The following LRP1B variants were observed in gnomAD, a reference collection of about 807,000 sequenced individuals.
LRP1B encodes low-density lipoprotein receptor-related protein 1B.
Under a neutral mutation model 556.6 loss-of-function variants are expected in LRP1B, and 217 were observed. The observed-to-expected ratio is 0.39, with a 90% CI of 0.35 to 0.44. The LOEUF (loss-of-function observed/expected upper bound fraction) is 0.44, where lower values mean the gene tolerates loss of function less well. Among genes scored for constraint, LRP1B ranks in the 20% least tolerant of loss-of-function variants. LRP1B has a pLI of 1.00. For missense variants in LRP1B, 5,053 were observed against 5,620.8 expected (o/e 0.90, Z 3.23); for synonymous variants, 2,047 against 1,865.8 (o/e 1.10, Z -2.50).
At chr2:141,863,315 G>A (rs968692931) in intron 1 of LRP1B, among the ~76,000 whole-genome samples, 3 of 152,124 alleles carry the variant, frequency 2.0e-5, no homozygotes, top group Non-Finnish European at 2.9e-5. Flanking sequence ...TGCCCTTAAA[G>A]AGTTTATATT....
At chr2:140,627,891 G>A (rs536847270) in intron 41 of LRP1B, among the ~76,000 whole-genome samples, 25 of 152,136 alleles carry the variant, frequency 1.6e-4, no homozygotes, top group African/African-American at 5.3e-4. Context: ...AGGATAGAAC[G>A]AAAAAAACTT....
intron 86 of LRP1B, among the ~76,000 whole-genome samples, chr2:140,252,080 A>AAAAAAAAAAAAAAAAAAAAAC (rs1681454529): frequency 7.2e-6 from 1 of 138,070 alleles, no homozygotes; most frequent in Non-Finnish European, 1.6e-5. Flanking sequence ...AAAAAAAAAA[A>AAAAAAAAAAAAAAAAAAAAAC]AAAAAAAAAC....
intron 7 of LRP1B, among the ~76,000 whole-genome samples, chr2:141,131,664 G>T (rs910200383): frequency 2.7e-5 from 4 of 147,838 alleles, no homozygotes; most frequent in Non-Finnish European, 6.0e-5. Context: ...CTGCTATTCT[G>T]GGAATCCATA....
chr2:140,954,833 T>G (rs1695825401), intron 18 of LRP1B, among the ~76,000 whole-genome samples: 1 of 152,048 alleles, frequency 6.6e-6, no homozygotes, highest in Non-Finnish European at 1.5e-5. Flanking sequence ...TGTCTCTTGT[T>G]GTTAACCTTA....
At chr2:141,147,470 G>A (rs984805721) in intron 7 of LRP1B, among the ~76,000 whole-genome samples, 15 of 152,038 alleles carry the variant, frequency 9.9e-5, no homozygotes, top group Admixed American at 8.5e-4. Context: ...ACAGTTTTAC[G>A]TATTAAAATT....
rs942881642 is a variant in LRP1B at position 140,285,101 on chromosome 2, C to CTA, written c.12968-10505_12968-10504dup. 8.7e-5 allele frequency among the ~76,000 whole-genome samples: 13 copies of CTA among 148,634 alleles called. No individual in the cohort carries two copies. In the South Asian group the frequency reaches 2.5e-3, roughly 29 times the overall value. On this transcript the variant is annotated intron_variant, in intron 84 of 90. Transcript: ENST00000389484. ...ATGGATAATCCCTATATCTCTCTCT[C>CTA]TATATATATATGTGTGTGTATATAT...
At chr2:141,768,416 CATTT>C (rs930092214) in intron 2 of LRP1B, among the ~76,000 whole-genome samples, 6 of 151,954 alleles carry the variant, frequency 3.9e-5, no homozygotes, top group African/African-American at 1.5e-4. Flanking sequence ...GTTTTTCATT[CATTT>C]ATTTTAAAAG....
chr2:141,788,114 C>T (rs1001571876), intron 2 of LRP1B, among the ~76,000 whole-genome samples: 1 of 152,030 alleles, frequency 6.6e-6, no homozygotes, highest in Non-Finnish European at 1.5e-5. Flanking sequence ...CAGTATAACA[C>T]ATCTGCCTCT....
chr2:141,770,090 A>G (rs2105613191), intron 2 of LRP1B, among the ~76,000 whole-genome samples: 1 of 152,072 alleles, frequency 6.6e-6, no homozygotes, highest in Non-Finnish European at 1.5e-5. Flanking sequence ...GATTCAATTG[A>G]TTTCTGATTG....
At chr2:140,836,053 G>T (rs1691892404) in intron 31 of LRP1B, among the ~76,000 whole-genome samples, 1 of 152,058 alleles carries the variant, frequency 6.6e-6, no homozygotes, top group South Asian at 2.1e-4. Flanking sequence ...TCATACTTTA[G>T]CAATGAAAAT....
At chr2:141,567,043 A>G (rs908329245) in intron 2 of LRP1B, among the ~76,000 whole-genome samples, 2 of 152,200 alleles carry the variant, frequency 1.3e-5, no homozygotes, top group Non-Finnish European at 2.9e-5. Flanking sequence ...ATGAAAAAAG[A>G]TTAGAAAATT....
intron 3 of LRP1B, among the ~76,000 whole-genome samples, chr2:141,298,691 A>G (rs1292693785): frequency 6.6e-6 from 1 of 152,092 alleles, no homozygotes; most frequent in African/African-American, 2.4e-5. Flanking sequence ...GTGGTGGCTC[A>G]CGCCTGTAAT....
At chr2:141,081,706 A>AT (rs11372921) in intron 7 of LRP1B, among the ~76,000 whole-genome samples, 129,825 of 152,090 alleles carry the variant, frequency 0.85, 55,697 homozygotes, top group Non-Finnish European at 0.89. Context: ...TAATAGAAAA[A>AT]TTAGGCTACA....
chr2:140,251,898 T>TGTA (rs1681434964), intron 86 of LRP1B, among the ~76,000 whole-genome samples: 1 of 150,806 alleles, frequency 6.6e-6, no homozygotes, highest in African/African-American at 2.4e-5. Flanking sequence ...CAAAGTTACT[T>TGTA]GCAAAATACT....
intron 3 of LRP1B, among the ~76,000 whole-genome samples, chr2:141,294,719 G>T (rs1248501446): frequency 1.4e-5 from 2 of 139,980 alleles, no homozygotes; most frequent in Non-Finnish European, 3.0e-5. Flanking sequence ...CAGCCTGGTT[G>T]ACAGAATGAG....
Position 140,736,938 on chromosome 2 carries a change from C to T in LRP1B, c.5759-20122G>A, listed in dbSNP as rs181564274. ...ATGACTGGCAAGGTTGAAGGAACGT[C>T]GAGGGAGGCTTGACCTGAAGGAATT... is the stretch of plus-strand genomic sequence containing the variant. On this transcript the variant is annotated intron_variant, in intron 35 of 90. Transcript: ENST00000389484. Among the ~76,000 whole-genome samples, 16 of 152,154 alleles carry T rather than the reference C, an allele frequency of 1.1e-4. No homozygotes were observed. The East Asian group carries it at 2.9e-3, about 28-fold the overall frequency.
At chr2:140,633,340 A>T (rs2105281803) in intron 41 of LRP1B, among the ~76,000 whole-genome samples, 1 of 152,250 alleles carries the variant, frequency 6.6e-6, no homozygotes. Context: ...TCTTAGAGGA[A>T]AATTTATTGC....
At chr2:141,574,162 A>G (rs562557077) in intron 2 of LRP1B, among the ~76,000 whole-genome samples, 7 of 152,232 alleles carry the variant, frequency 4.6e-5, no homozygotes, top group Admixed American at 6.5e-5. Context: ...CTTCAGGCCA[A>G]TATCTCTGAA....
At chr2:140,927,863 T>C (rs1219803041) in intron 20 of LRP1B, among the ~76,000 whole-genome samples, 2 of 151,722 alleles carry the variant, frequency 1.3e-5, no homozygotes, top group Non-Finnish European at 2.9e-5. Flanking sequence ...CCCGCCATCA[T>C]GCCCGGCTAT....
Sources: allele counts gnomAD v4.1 joint callset (sites outside exome capture counted in the v4.1 genomes callset), GRCh38; gene constraint gnomAD v4.1.1; transcripts MANE v1.5; gene names NCBI Gene and HGNC (gene_info 2026-07-23, HGNC 2026-07-21).